CFDP1: variants seen among roughly 807,000 people sequenced by gnomAD.
The protein encoded by CFDP1 is heterochromatin-stabilizing protein CFDP1.
CFDP1 carries 31 observed loss-of-function variants against 40.1 expected under a neutral mutation model. That is an observed-to-expected ratio of 0.77 (90% CI 0.58 to 1.04). The LOEUF (loss-of-function observed/expected upper bound fraction) is 1.04, where lower values mean the gene tolerates loss of function less well. Among genes scored for constraint, CFDP1 ranks in the 50% least tolerant of loss-of-function variants. CFDP1 has a pLI of 0.00. For synonymous variants in CFDP1, 167 were observed against 120.0 expected (o/e 1.39, Z -2.56); for missense variants, 423 against 343.4 (o/e 1.23, Z -1.83).
chr16:75,325,308 A>G (rs1416169058), intron 5 of CFDP1, among the ~76,000 whole-genome samples: 2 of 152,228 alleles, frequency 1.3e-5, no homozygotes, highest in Admixed American at 1.3e-4. Context: ...TCAGGCATGC[A>G]TCTACCTTAG....
intron 5 of CFDP1, among the ~76,000 whole-genome samples, chr16:75,394,483 G>A (rs1390894813): frequency 2.6e-5 from 4 of 152,146 alleles, no homozygotes; most frequent in East Asian, 1.9e-4. Context: ...CAGAGGATGG[G>A]AGTGAGTGTT....
intron 5 of CFDP1, among the ~76,000 whole-genome samples, chr16:75,349,698 T>TATATATACACAC (rs146824267): frequency 1.5e-4 from 7 of 47,900 alleles, no homozygotes; most frequent in African/African-American, 3.3e-4. Context: ...AAAATATATA[T>TATATATACACAC]ACATACATAT....
chr16:75,362,297 G>A (rs925726066), intron 5 of CFDP1, among the ~76,000 whole-genome samples: 5 of 152,134 alleles, frequency 3.3e-5, no homozygotes, highest in African/African-American at 1.2e-4. Flanking sequence ...GTAGAAAGGC[G>A]GGGCCCAGCT....
At chr16:75,298,149 G>A (rs895845042) in intron 6 of CFDP1, among the ~76,000 whole-genome samples, 1 of 152,194 alleles carries the variant, frequency 6.6e-6, no homozygotes, top group Non-Finnish European at 1.5e-5. Context: ...AATGAATTCT[G>A]TGTTTGTTTA....
chr16:75,423,234 T>C (rs369955034), intron 1 of CFDP1, among the ~76,000 whole-genome samples: 6 of 141,312 alleles, frequency 4.2e-5, no homozygotes, highest in African/African-American at 1.3e-4. Flanking sequence ...TGAACCGAGA[T>C]GGTGCCACTG....
At chr16:75,368,153 T>A (rs750597844) in intron 5 of CFDP1, among the ~76,000 whole-genome samples, 5 of 152,166 alleles carry the variant, frequency 3.3e-5, no homozygotes, top group Non-Finnish European at 7.3e-5. Flanking sequence ...CTTGTTTACA[T>A]CCTGACTCAA....
intron 5 of CFDP1, among the ~76,000 whole-genome samples, chr16:75,337,446 T>C (rs1048319093): frequency 6.6e-6 from 1 of 152,234 alleles, no homozygotes; most frequent in African/African-American, 2.4e-5. Flanking sequence ...TCCTTATTGC[T>C]GCCACAACTA....
At chr16:75,420,682 G>A (rs1216469171) in intron 1 of CFDP1, among the ~76,000 whole-genome samples, 1 of 151,984 alleles carries the variant, frequency 6.6e-6, no homozygotes, top group African/African-American at 2.4e-5. Context: ...AAAATAAATG[G>A]GTAGAAATCA....
chr16:75,338,380 G>A (rs74447375), intron 5 of CFDP1, among the ~76,000 whole-genome samples: 1 of 152,192 alleles, frequency 6.6e-6, no homozygotes, highest in East Asian at 1.9e-4. Flanking sequence ...ATGGGTTCTA[G>A]TGTGTACACA....
chr16:75,386,719 C>T (rs895761509), intron 5 of CFDP1, among the ~76,000 whole-genome samples: 28 of 151,866 alleles, frequency 1.8e-4, no homozygotes, highest in African/African-American at 6.8e-4. Context: ...AGTGAGACTC[C>T]GTCTCAAAAA....
At chr16:75,349,363 A>T (rs1164768585) in intron 5 of CFDP1, among the ~76,000 whole-genome samples, 1 of 151,552 alleles carries the variant, frequency 6.6e-6, no homozygotes, top group Non-Finnish European at 1.5e-5. Context: ...TAGAAAAATT[A>T]GCCGGGCGTG....
At chr16:75,330,620 T>A (rs1450047010) in intron 5 of CFDP1, among the ~76,000 whole-genome samples, 1 of 152,094 alleles carries the variant, frequency 6.6e-6, no homozygotes, top group South Asian at 2.1e-4. Context: ...TGATGAAAGT[T>A]TGGCTTCAGG....
chr16:75,418,715 A>C (rs1419279725), intron 1 of CFDP1, among the ~76,000 whole-genome samples: 3 of 141,864 alleles, frequency 2.1e-5, no homozygotes, highest in Non-Finnish European at 3.0e-5. Flanking sequence ...GAGACCATTT[A>C]CCACAAAAAG....
intron 4 of CFDP1, 106 bp from the exon 5 acceptor site, chr16:75,395,315 T>C: frequency 8.5e-7 from 1 of 1,174,628 alleles, no homozygotes; most frequent in Non-Finnish European, 1.2e-6. Context: ...CGGCTTCCAA[T>C]AAATTCTGGA....
intron 5 of CFDP1, among the ~76,000 whole-genome samples, chr16:75,361,830 G>C (rs1597354666): frequency 6.6e-6 from 1 of 152,262 alleles, no homozygotes. Context: ...CTCAACGTCT[G>C]TTTCCTCTTT....
intron 5 of CFDP1, among the ~76,000 whole-genome samples, chr16:75,321,032 T>C (rs191664882): frequency 2.0e-5 from 3 of 152,166 alleles, no homozygotes; most frequent in Middle Eastern, 3.4e-3. Flanking sequence ...TGGGCTCAAG[T>C]GAACCTCCTG....
intron 5 of CFDP1, among the ~76,000 whole-genome samples, chr16:75,316,583 A>G (rs1350241279): frequency 1.3e-5 from 2 of 151,458 alleles, no homozygotes; most frequent in African/African-American, 4.8e-5. Context: ...AAAAAAAAAA[A>G]AAAAAAAAAA....
chr16:75,420,982 A>C (rs1389267194), intron 1 of CFDP1, among the ~76,000 whole-genome samples: 2 of 152,218 alleles, frequency 1.3e-5, no homozygotes. Flanking sequence ...AGACAAGTAG[A>C]TGCACATGAC....
At chr16:75,417,113 G>A (rs904410051) in intron 1 of CFDP1, among the ~76,000 whole-genome samples, 2 of 152,138 alleles carry the variant, frequency 1.3e-5, no homozygotes, top group African/African-American at 4.8e-5. Context: ...CAAGGCTGAA[G>A]TGAGCCATGA....
Sources: gnomAD v4.1 joint callset for allele counts (sites outside exome capture counted in the v4.1 genomes callset) on GRCh38, gnomAD v4.1.1 for gene constraint, MANE v1.5 for transcripts, NCBI Gene and HGNC (gene_info 2026-07-23, HGNC 2026-07-21) for gene names.